The following DCBLD2 variants were observed in gnomAD, a reference collection of about 807,000 sequenced individuals.
The protein encoded by DCBLD2 is discoidin, CUB and LCCL domain-containing protein 2.
DCBLD2 carries 54 observed loss-of-function variants against 86.8 expected under a neutral mutation model. The ratio of observed to expected loss-of-function variants is 0.62; its 90% CI spans 0.50 to 0.78. The LOEUF (loss-of-function observed/expected upper bound fraction) is 0.78. Among genes scored for constraint, DCBLD2 ranks in the 30% least tolerant of loss-of-function variants. The pLI is 0.00. For missense variants in DCBLD2, 908 were observed against 954.2 expected (o/e 0.95, Z 0.64); for synonymous variants, 354 against 341.3 (o/e 1.04, Z -0.41).
At chr3:98,822,894 C>T (rs1055853490) in intron 4 of DCBLD2, among the ~76,000 whole-genome samples, 153 bp from the exon 5 acceptor site, 4 of 152,122 alleles carry the variant, frequency 2.6e-5, no homozygotes, top group Admixed American at 6.5e-5. Context: ...TTTTTTGACA[C>T]GGAGTTTCAC....
chr3:98,859,836 C>T (rs112317560), intron 2 of DCBLD2, among the ~76,000 whole-genome samples: 4 of 152,348 alleles, frequency 2.6e-5, no homozygotes, highest in East Asian at 1.9e-4. Context: ...CACAAAGGAA[C>T]GCAGCTCCTC....
At chr3:98,858,231 C>G (rs1051802718) in intron 2 of DCBLD2, among the ~76,000 whole-genome samples, 1 of 152,210 alleles carries the variant, frequency 6.6e-6, no homozygotes, top group Admixed American at 6.5e-5. Flanking sequence ...TGGGGCCTGC[C>G]GAGCCCACAC....
intron 2 of DCBLD2, among the ~76,000 whole-genome samples, chr3:98,880,046 T>C (rs373483806): frequency 1.3e-5 from 2 of 152,218 alleles, no homozygotes; most frequent in East Asian, 3.8e-4. Context: ...TTCTACATCC[T>C]CAGGCGATTT....
intron 2 of DCBLD2, among the ~76,000 whole-genome samples, chr3:98,860,300 G>T (rs1943016885): frequency 6.6e-6 from 1 of 152,174 alleles, no homozygotes; most frequent in Non-Finnish European, 1.5e-5. Flanking sequence ...AAAACACTCT[G>T]CAGGATATTA....
At chr3:98,810,852 C>G (rs1425993860) in intron 12 of DCBLD2, among the ~76,000 whole-genome samples, 1 of 152,016 alleles carries the variant, frequency 6.6e-6, no homozygotes, top group Non-Finnish European at 1.5e-5. Flanking sequence ...TCAAGGGAAA[C>G]AAGTTTGTTT....
rs545276785 is a variant in DCBLD2, at chr3:98,857,364, T to C, written c.434-7766A>G. Among the ~76,000 whole-genome samples, 5 of 152,108 alleles carry C rather than the reference T, an allele frequency of 3.3e-5. No homozygotes were observed. The East Asian group carries it at 7.7e-4, about 23-fold the overall frequency. The stretch of plus-strand genomic sequence containing the variant: ...AGTGTGTAAGGGGACCCAAGCTGGG[T>C]TGCCACTGCTGGCTCGCCACTGCTG... On this transcript the variant is annotated intron_variant, in intron 2 of 15. Transcript: ENST00000326840.
chr3:98,856,473 A>G (rs1044694037), intron 2 of DCBLD2, among the ~76,000 whole-genome samples: 1 of 152,158 alleles, frequency 6.6e-6, no homozygotes. Context: ...AGAAATACAG[A>G]GGTACAATGT....
intron 2 of DCBLD2, among the ~76,000 whole-genome samples, chr3:98,871,582 T>C (rs1339221532): frequency 1.3e-5 from 2 of 152,234 alleles, no homozygotes; most frequent in African/African-American, 4.8e-5. Flanking sequence ...ATCACATTTG[T>C]TGATTTGCAT....
intron 2 of DCBLD2, among the ~76,000 whole-genome samples, chr3:98,873,801 A>AT (rs1031271315): frequency 6.6e-5 from 10 of 152,260 alleles, no homozygotes; most frequent in African/African-American, 1.7e-4. Context: ...ATCAAGATTC[A>AT]TTTTTTGGAA....
At chr3:98,866,945 A>G (rs1217718138) in intron 2 of DCBLD2, among the ~76,000 whole-genome samples, 1 of 152,114 alleles carries the variant, frequency 6.6e-6, no homozygotes, top group Non-Finnish European at 1.5e-5. Flanking sequence ...TTTTCCCAGA[A>G]CCATTTATTA....
chr3:98,799,316 T>TAAAA lies in DCBLD2; in HGVS notation c.*52_*55dup. 7.2e-6 allele frequency: 8 copies of TAAAA among 1,116,688 alleles called. 1 individual carries two copies. Among genetic ancestry groups the TAAAA allele is most frequent in the Non-Finnish European group, 7.4e-6 (6 of 811,406 alleles). 69.2% of individuals were successfully genotyped at this position (1,116,688 alleles called of 1,614,324 possible). A position where few individuals can be genotyped will look rare whatever the true frequency, so the allele number is the denominator to read the frequency against. Reference sequence around the variant, plus strand: ...TCTATATATTACTACCACTAATAATTAAAAAAAAAAGGCCATGTGCTTTAA... The same window carrying TAAAA: ...TCTATATATTACTACCACTAATAATTAAAAAAAAAAAAAAGGCCATGTGCTTTAA... On this transcript the variant is annotated 3_prime_UTR_variant, in exon 16 of 16. Transcript: ENST00000326840.
rs190678174 is a variant in DCBLD2, at chr3:98,878,326, C to T, written c.433+3214G>A. ...GAACAGCGCATCTGTGGTATTCTTG[C>T]CAAAAGTCTGTCACTGGAATCTAAT... On this transcript the variant is annotated intron_variant, in intron 2 of 15. Coordinates refer to ENST00000326840, the MANE Select transcript of DCBLD2 (RefSeq NM_080927.4). Among the ~76,000 whole-genome samples, 22 of 152,198 alleles carry T rather than the reference C, an allele frequency of 1.4e-4. 1 individual carries two copies. Among genetic ancestry groups the T allele is most frequent in the Admixed American group, 1.2e-3 (19 of 15,280 alleles).
intron 2 of DCBLD2, among the ~76,000 whole-genome samples, chr3:98,867,051 G>A (rs1192436247): frequency 3.3e-5 from 5 of 152,142 alleles, no homozygotes; most frequent in African/African-American, 4.8e-5. Context: ...GCTCTGTTCT[G>A]TTCCATTGGT....
chr3:98,888,294 T>C (rs939142416), intron 1 of DCBLD2, among the ~76,000 whole-genome samples: 1 of 152,014 alleles, frequency 6.6e-6, no homozygotes, highest in Admixed American at 6.6e-5. Context: ...CATCTCTGCA[T>C]GTGTGATAAT....
chr3:98,859,484 C>T (rs765171156), intron 2 of DCBLD2, among the ~76,000 whole-genome samples: 20 of 152,174 alleles, frequency 1.3e-4, no homozygotes, highest in Non-Finnish European at 2.2e-4. Flanking sequence ...CCAGTAGGGG[C>T]AGACTGATAC....
In DCBLD2 at chr3:98,881,721, A is replaced by C. The variant is rs746299058; in HGVS notation, c.252T>G (p.Leu84=). ...AGGTCTGTGGGTAGTTTATGGATGT[A>C]AGGGTTCCACTCTCAGGGCCTAGTA... The part of the protein sequence containing the change: ...HTVLGPESGT[L]TSINYPQTYP... Residue 84 remains leucine, a synonymous_variant, in exon 2 of 16, where the codon CTT becomes CTG. Coordinates refer to ENST00000326840, the MANE Select transcript of DCBLD2 (RefSeq NM_080927.4). The C allele has an allele frequency of 4.3e-6, 7 of 1,613,918 alleles. No homozygotes were observed. In the East Asian group the frequency reaches 1.6e-4, roughly 36 times the overall value.
intron 3 of DCBLD2, among the ~76,000 whole-genome samples, chr3:98,841,543 T>C (rs916479955): frequency 4.6e-5 from 7 of 152,210 alleles, no homozygotes; most frequent in Non-Finnish European, 8.8e-5. Context: ...GTTACTATCA[T>C]AGAAATATTT....
At chr3:98,857,484 G>C (rs1465339097) in intron 2 of DCBLD2, among the ~76,000 whole-genome samples, 1 of 152,136 alleles carries the variant, frequency 6.6e-6, no homozygotes, top group Non-Finnish European at 1.5e-5. Context: ...ATTTTACAGA[G>C]AGCTTATTGG....
chr3:98,821,694 GACT>G (rs1423336491), intron 6 of DCBLD2, among the ~76,000 whole-genome samples: 1 of 151,948 alleles, frequency 6.6e-6, no homozygotes, highest in East Asian at 1.9e-4. Flanking sequence ...TCTTCCAAAT[GACT>G]ACATTTTTGA....
Sources: allele counts gnomAD v4.1 joint callset (sites outside exome capture counted in the v4.1 genomes callset), GRCh38; gene constraint gnomAD v4.1.1; transcripts MANE v1.5; gene names NCBI Gene and HGNC (gene_info 2026-07-23, HGNC 2026-07-21).